VSTM4: variants seen among roughly 807,000 people sequenced by gnomAD.
VSTM4 encodes the protein V-set and transmembrane domain containing 4, also known as V-set and transmembrane domain-containing protein 4.
VSTM4 carries 20 observed loss-of-function variants against 36.4 expected under a neutral mutation model. The ratio of observed to expected loss-of-function variants is 0.55; its 90% CI spans 0.39 to 0.80. The LOEUF (loss-of-function observed/expected upper bound fraction) is 0.80, where lower values mean the gene tolerates loss of function less well. Among genes scored for constraint, VSTM4 ranks in the 30% least tolerant of loss-of-function variants. The pLI is 0.00. For missense variants in VSTM4, 392 were observed against 404.5 expected (o/e 0.97, Z 0.26); for synonymous variants, 182 against 173.9 (o/e 1.05, Z -0.37).
intron 3 of VSTM4, among the ~76,000 whole-genome samples, chr10:49,083,255 T>C (rs1844312087): frequency 6.6e-6 from 1 of 152,242 alleles, no homozygotes; most frequent in Non-Finnish European, 1.5e-5. Context: ...ACCTGAGTGA[T>C]AGCCCCAAAG....
intron 2 of VSTM4, among the ~76,000 whole-genome samples, chr10:49,104,372 G>T (rs1479390565): frequency 1.3e-5 from 2 of 152,184 alleles, no homozygotes; most frequent in South Asian, 2.1e-4. Flanking sequence ...GAGGAGCAAG[G>T]CCCAGGACAC....
chr10:49,102,448 T>C (rs150123506), intron 2 of VSTM4: 48 of 985,404 alleles, frequency 4.9e-5, no homozygotes, highest in Non-Finnish European at 5.7e-5. Context: ...CTTTTATGTA[T>C]AATATTTTTG....
At chr10:49,065,394 C>T (rs1333645816) in intron 4 of VSTM4, among the ~76,000 whole-genome samples, 1 of 152,216 alleles carries the variant, frequency 6.6e-6, no homozygotes. Flanking sequence ...CAGTGAATCA[C>T]ACCTCCTTGT....
chr10:49,038,656 A>T (rs1200447155), intron 7 of VSTM4, among the ~76,000 whole-genome samples: 1 of 152,178 alleles, frequency 6.6e-6, no homozygotes, highest in Non-Finnish European at 1.5e-5. Flanking sequence ...CTAAGGCGGG[A>T]TATCCCATGC....
intron 7 of VSTM4, among the ~76,000 whole-genome samples, chr10:49,024,440 A>G (rs898902706): frequency 2.2e-4 from 34 of 152,310 alleles, no homozygotes; most frequent in African/African-American, 7.5e-4. Flanking sequence ...TAACTCTCAG[A>G]TCAATGAAAG....
At chr10:49,099,971 A>G (rs7096721) in intron 2 of VSTM4, among the ~76,000 whole-genome samples, 28,683 of 152,016 alleles carry the variant, frequency 0.19, 3,988 homozygotes, top group African/African-American at 0.39. Context: ...AGCCAAGATC[A>G]TGCCACTGCA....
intron 2 of VSTM4, among the ~76,000 whole-genome samples, chr10:49,089,429 G>A (rs570678615): frequency 6.6e-6 from 1 of 152,118 alleles, no homozygotes; most frequent in Non-Finnish European, 1.5e-5. Flanking sequence ...GGTGCCTTCG[G>A]GTCATTTTTT....
intron 2 of VSTM4, among the ~76,000 whole-genome samples, chr10:49,096,184 C>T (rs1252349881): frequency 6.6e-6 from 1 of 152,122 alleles, no homozygotes; most frequent in Non-Finnish European, 1.5e-5. Context: ...GGAATTATTT[C>T]GTTAATTTCT....
rs1169806970 is a variant in VSTM4 at position 49,070,271 on chromosome 10, A to G, written c.635-5535T>C. Among the ~76,000 whole-genome samples the G allele has an allele frequency of 9.2e-5, 14 of 151,362 alleles. 4 individuals carry two copies. Among genetic ancestry groups the G allele is most frequent in the African/African-American group, 2.9e-4 (12 of 41,184 alleles). ...CCGTCTCAAAAAAAAAAAAAAAAAA[A>G]AAAAAAAAGAAATATGACATATCTC... is the stretch of plus-strand genomic sequence containing the variant. On this transcript the variant is annotated intron_variant, in intron 4 of 7. Coordinates refer to ENST00000332853, the MANE Select transcript of VSTM4 (RefSeq NM_001031746.5).
At chr10:49,035,139 G>C (rs1843408225) in intron 7 of VSTM4, among the ~76,000 whole-genome samples, 1 of 152,112 alleles carries the variant, frequency 6.6e-6, no homozygotes, top group South Asian at 2.1e-4. Flanking sequence ...GGCCACCCAT[G>C]GGCTGGCCTG....
At chr10:49,108,423 T>C (rs1844830752) in intron 1 of VSTM4, among the ~76,000 whole-genome samples, 1 of 152,180 alleles carries the variant, frequency 6.6e-6, no homozygotes, top group African/African-American at 2.4e-5. Context: ...TTTATCAGTT[T>C]TGTCCCTGGC....
chr10:49,092,899 CGACCAGTGG>C (rs1844501913), intron 2 of VSTM4, among the ~76,000 whole-genome samples: 1 of 152,088 alleles, frequency 6.6e-6, no homozygotes, highest in Admixed American at 6.5e-5. Flanking sequence ...GGCAGGACAT[CGACCAGTGG>C]GACCAGGCAC....
chr10:49,065,497 C>A (rs905651746), intron 4 of VSTM4, among the ~76,000 whole-genome samples: 2 of 152,170 alleles, frequency 1.3e-5, no homozygotes, highest in African/African-American at 4.8e-5. Flanking sequence ...GCCAATGTGT[C>A]ACAAGCAGAG....
At chr10:49,060,347 C>T (rs962099223) in intron 5 of VSTM4, among the ~76,000 whole-genome samples, 7 of 152,218 alleles carry the variant, frequency 4.6e-5, no homozygotes, top group African/African-American at 1.7e-4. Context: ...AATTTCTCCA[C>T]ATCTTTGCCA....
intron 3 of VSTM4, among the ~76,000 whole-genome samples, chr10:49,084,469 A>C (rs1564587967): frequency 6.6e-6 from 1 of 152,210 alleles, no homozygotes; most frequent in East Asian, 1.9e-4. Flanking sequence ...ACATTTTCCT[A>C]AGACAGAATG....
chr10:49,020,757 G>A lies in VSTM4; in HGVS notation c.838-982C>T, dbSNP rs1016926932. 0.016 allele frequency among the ~76,000 whole-genome samples: 738 copies of A among 45,652 alleles called. 14 individuals are homozygous for A. The East Asian group carries it at 0.18, about 11-fold the overall frequency. 29.9% of individuals were successfully genotyped at this position (45,652 alleles called of 152,430 possible). On this transcript the variant is annotated intron_variant, in intron 7 of 7. Coordinates refer to ENST00000332853, the MANE Select transcript of VSTM4 (RefSeq NM_001031746.5). ...GAAGGAAGGAAGGAAGGAAGGGAGG[G>A]AGGGAGGGAGGGAGGCAGGGAGGGA...
At chr10:49,026,254 G>T (rs1340257734) in intron 7 of VSTM4, among the ~76,000 whole-genome samples, 2 of 152,166 alleles carry the variant, frequency 1.3e-5, no homozygotes, top group East Asian at 3.9e-4. Context: ...GATTGGCCCT[G>T]GGTCTACCCA....
intron 4 of VSTM4, among the ~76,000 whole-genome samples, chr10:49,067,215 C>A (rs978426582): frequency 1.3e-5 from 2 of 152,082 alleles, no homozygotes; most frequent in Non-Finnish European, 2.9e-5. Context: ...TGATTGAGTG[C>A]ATAGTTTTTG....
intron 2 of VSTM4, among the ~76,000 whole-genome samples, chr10:49,098,684 A>T (rs1339971972): frequency 6.6e-6 from 1 of 152,054 alleles, no homozygotes; most frequent in Non-Finnish European, 1.5e-5. Context: ...CACATAAACC[A>T]CCAAGGACAT....
Sources: gnomAD v4.1 joint callset for allele counts (sites outside exome capture counted in the v4.1 genomes callset) on GRCh38, gnomAD v4.1.1 for gene constraint, MANE v1.5 for transcripts, NCBI Gene and HGNC (gene_info 2026-07-23, HGNC 2026-07-21) for gene names.